Variants in RPS6KA2 observed in about 807,000 individuals in gnomAD.
The protein encoded by RPS6KA2 is ribosomal protein S6 kinase A2, also known as ribosomal protein S6 kinase alpha-2.
RPS6KA2 carries 42 observed loss-of-function variants against 91.8 expected under a neutral mutation model. That is an observed-to-expected ratio of 0.46 (90% CI 0.36 to 0.59). RPS6KA2 has a LOEUF of 0.59. Among genes scored for constraint, RPS6KA2 ranks in the 20% least tolerant of loss-of-function variants. RPS6KA2 has a pLI of 0.00. For synonymous variants in RPS6KA2, 414 were observed against 393.6 expected (o/e 1.05, Z -0.61); for missense variants, 798 against 978.5 (o/e 0.82, Z 2.46).
intron 1 of RPS6KA2, among the ~76,000 whole-genome samples, chr6:166,861,330 G>T (rs1781042131): frequency 1.3e-5 from 2 of 151,338 alleles, no homozygotes; most frequent in South Asian, 2.1e-4. Context: ...AATGCCATTT[G>T]AGTTGCTATA....
chr6:166,708,385 G>T (rs1789747762), intron 2 of RPS6KA2, among the ~76,000 whole-genome samples: 1 of 152,066 alleles, frequency 6.6e-6, no homozygotes, highest in Non-Finnish European at 1.5e-5. Context: ...GGTTTTTCCT[G>T]GCTTTTGAAA....
exon 1 of RPS6KA2, chr6:166,862,407 T>C (rs4710126): frequency 0.62 from 841,522 of 1,358,432 alleles, 264,495 homozygotes; most frequent in Admixed American, 0.67. Flanking sequence ...TCGGGCGCCG[T>C]CCCCTCCCTG....
intron 1 of RPS6KA2, among the ~76,000 whole-genome samples, chr6:166,566,821 G>T (rs1583285731): frequency 6.6e-6 from 1 of 152,238 alleles, no homozygotes; most frequent in African/African-American, 2.4e-5. Flanking sequence ...GGGAAGCTGG[G>T]TGATTGGCTG....
chr6:166,422,799 C>T (rs1778770847), intron 17 of RPS6KA2, among the ~76,000 whole-genome samples: 1 of 152,172 alleles, frequency 6.6e-6, no homozygotes, highest in African/African-American at 2.4e-5. Flanking sequence ...TGCTGACTTG[C>T]TGCTGTCGGG....
chr6:166,794,823 G>A (rs147662469), intron 2 of RPS6KA2, among the ~76,000 whole-genome samples: 3,985 of 145,154 alleles, frequency 0.027, 186 homozygotes, highest in African/African-American at 0.096. Flanking sequence ...CATGGACACA[G>A]GAAGGGGAAC....
Position 166,726,775 on chromosome 6 carries a change from C to T in RPS6KA2, c.123+131425G>A, listed in dbSNP as rs572503860. Among the ~76,000 whole-genome samples, 124 of 152,306 alleles carry T rather than the reference C, an allele frequency of 8.1e-4. No individual in the cohort carries two copies. The highest frequency in any genetic ancestry group is 1.0e-3 in the Non-Finnish European group (69 of 68,022). ...CTTGTCAAAGCTTTAAAACTGAACACGGCAACAACTCTAGGTGAGGAGTGT... is the reference window on the plus strand; with the variant it reads ...CTTGTCAAAGCTTTAAAACTGAACATGGCAACAACTCTAGGTGAGGAGTGT... On this transcript the variant is annotated intron_variant, in intron 2 of 21. Coordinates refer to the RPS6KA2 transcript ENST00000503859. This position sits in a 1 kb window ranked among gnomAD's most constrained non-coding sequence, Gnocchi z 4.4.
At chr6:166,499,873 A>G (rs1781962758) in intron 7 of RPS6KA2, among the ~76,000 whole-genome samples, 1 of 152,164 alleles carries the variant, frequency 6.6e-6, no homozygotes, top group South Asian at 2.1e-4. Context: ...AGACTAATAC[A>G]GGGACTTTCA....
At chr6:166,775,471 G>C (rs754475809) in intron 2 of RPS6KA2, among the ~76,000 whole-genome samples, 1 of 152,174 alleles carries the variant, frequency 6.6e-6, no homozygotes, top group Non-Finnish European at 1.5e-5. Flanking sequence ...CAAAATATAG[G>C]CCTTGGTTTT....
chr6:166,442,519 A>G (rs1407752216), intron 14 of RPS6KA2, among the ~76,000 whole-genome samples: 13 of 152,158 alleles, frequency 8.5e-5, no homozygotes, highest in African/African-American at 2.9e-4. Context: ...ACACATACAG[A>G]GCGCTTATAG....
At chr6:166,789,608 C>T (rs561733206) in intron 2 of RPS6KA2, among the ~76,000 whole-genome samples, 2 of 152,328 alleles carry the variant, frequency 1.3e-5, no homozygotes, top group South Asian at 4.1e-4. Context: ...CTGGGAGACA[C>T]CCCCCAGTAG....
chr6:166,820,641 T>G (rs1779884929), intron 2 of RPS6KA2, among the ~76,000 whole-genome samples: 1 of 152,192 alleles, frequency 6.6e-6, no homozygotes, highest in Admixed American at 6.5e-5. Flanking sequence ...ACAAAGAGCT[T>G]TCTTATAATA....
intron 1 of RPS6KA2, among the ~76,000 whole-genome samples, chr6:166,582,025 C>T (rs1323107342): frequency 8.2e-6 from 1 of 121,332 alleles, no homozygotes; most frequent in African/African-American, 3.3e-5. Context: ...TGGGGTGGGA[C>T]GTCCACTGGG....
At chr6:166,823,298 C>T (rs1370384920) in intron 2 of RPS6KA2, among the ~76,000 whole-genome samples, 1 of 152,142 alleles carries the variant, frequency 6.6e-6, no homozygotes, top group Non-Finnish European at 1.5e-5. Context: ...GTCAACCAAC[C>T]ACGGTATATG....
In RPS6KA2 at chr6:166,605,973, C is replaced by T. The variant is rs768021444; in HGVS notation, c.99+20948G>A. On this transcript the variant is annotated intron_variant, in intron 1 of 20. Transcript: ENST00000265678. ...TAAATCAGCACCTGTTATCAGATCA[C>T]GGTCCTTGGGTCCTGATTTCCTTCT... is the stretch of plus-strand genomic sequence containing the variant. Among the ~76,000 whole-genome samples the T allele has an allele frequency of 4.6e-5, 7 of 152,200 alleles. No individual in the cohort carries two copies. In the South Asian group the frequency reaches 1.0e-3, roughly 23 times the overall value.
intron 14 of RPS6KA2, among the ~76,000 whole-genome samples, chr6:166,438,790 T>A (rs1779425697): frequency 6.6e-6 from 1 of 152,240 alleles, no homozygotes; most frequent in Non-Finnish European, 1.5e-5. Flanking sequence ...GGAGATGCAC[T>A]CCACTTTTTG....
upstream of RPS6KA2, among the ~76,000 whole-genome samples, chr6:166,631,488 C>T (rs9364861): frequency 0.24 from 36,811 of 152,256 alleles, 4,737 homozygotes; most frequent in East Asian, 0.34. Flanking sequence ...ACACCTCCCC[C>T]GCCAGCCCGC....
At position 166,532,154 on chromosome 6, in the gene RPS6KA2, C is replaced by T. The variant is rs1343980260; in HGVS notation, c.217-841G>A. Among the ~76,000 whole-genome samples the T allele has an allele frequency of 4.6e-5, 7 of 152,336 alleles. No individual in the cohort carries two copies. The South Asian group carries it at 8.3e-4, about 18-fold the overall frequency. ...GAGGTAGGGTGGCTCCTTCCCAAAA[C>T]GTCTCCTTTACTAAGCCTCAAAAAG... On this transcript the variant is annotated intron_variant, in intron 2 of 20. Coordinates refer to ENST00000265678, the MANE Select transcript of RPS6KA2 (RefSeq NM_021135.6).
intron 2 of RPS6KA2, among the ~76,000 whole-genome samples, chr6:166,746,544 C>T (rs572380662): frequency 5.3e-5 from 8 of 152,330 alleles, no homozygotes; most frequent in South Asian, 2.1e-4. Flanking sequence ...TAATTCAATT[C>T]GAATTCTGAC....
chr6:166,651,980 G>A (rs941892218), intron 2 of RPS6KA2, among the ~76,000 whole-genome samples: 4 of 152,246 alleles, frequency 2.6e-5, no homozygotes, highest in Non-Finnish European at 4.4e-5. Flanking sequence ...GTGAGTTCTC[G>A]GCACTGCCGT....
Sources: allele counts gnomAD v4.1 joint callset (sites outside exome capture counted in the v4.1 genomes callset), GRCh38; gene constraint gnomAD v4.1.1; non-coding constraint Gnocchi (gnomAD v3.1); transcripts MANE v1.5; gene names NCBI Gene and HGNC (gene_info 2026-07-23, HGNC 2026-07-21).